The following COP1 variants were observed in gnomAD, a reference collection of about 807,000 sequenced individuals.
The protein encoded by COP1 is E3 ubiquitin-protein ligase COP1.
In COP1, 24 loss-of-function variants were observed where a neutral mutation model predicts 101.3. The ratio of observed to expected loss-of-function variants is 0.24; its 90% CI spans 0.17 to 0.33. The LOEUF is 0.33. Ranked by LOEUF, COP1 falls within the 10% of genes least tolerant of loss-of-function variation. COP1 has a pLI of 1.00. For missense variants in COP1, 663 were observed against 906.2 expected (o/e 0.73, Z 3.45); for synonymous variants, 347 against 341.9 (o/e 1.01, Z -0.17).
At chr1:176,002,399 CATAGTGCAGGTTAGTTACATATGTAT>C (rs1365883270) in intron 15 of COP1, among the ~76,000 whole-genome samples, 1 of 151,870 alleles carries the variant, frequency 6.6e-6, no homozygotes, top group Non-Finnish European at 1.5e-5. Context: ...TACATGTGCA[CATAGTGCAGGTTAGTTACATATGTAT>C]ACATGTGCCA....
chr1:175,972,868 T>G (rs934922763), intron 18 of COP1, among the ~76,000 whole-genome samples: 2 of 152,142 alleles, frequency 1.3e-5, no homozygotes, highest in East Asian at 3.9e-4. Context: ...GTTTCGCTCT[T>G]GTTGCCCAGG....
chr1:176,068,669 T>C (rs1213229724), intron 11 of COP1, among the ~76,000 whole-genome samples: 1 of 152,226 alleles, frequency 6.6e-6, no homozygotes, highest in Non-Finnish European at 1.5e-5. Context: ...CTTGAATGAA[T>C]GAACTTTATT....
chr1:175,993,280 C>G (rs1248953585), intron 15 of COP1, among the ~76,000 whole-genome samples: 1 of 152,094 alleles, frequency 6.6e-6, no homozygotes, highest in East Asian at 1.9e-4. Context: ...TAGATAAAAC[C>G]ACAAAGATGG....
chr1:176,187,836 C>G (rs1698665278), intron 1 of COP1, among the ~76,000 whole-genome samples: 1 of 152,096 alleles, frequency 6.6e-6, no homozygotes, highest in Non-Finnish European at 1.5e-5. Context: ...AGTAATAGGA[C>G]TGGTGCTATG....
Position 176,117,607 on chromosome 1 carries a change from T to C in COP1, c.969-926A>G, listed in dbSNP as rs551657840. The stretch of plus-strand genomic sequence containing the variant: ...TTCTTCTCTATTTCTACTATAAACA[T>C]GCTTAGGCTAGGCACGGTCGCTCAC... On this transcript the variant is annotated intron_variant, in intron 8 of 19. Transcript: ENST00000367669. 3.7e-3 allele frequency among the ~76,000 whole-genome samples: 560 copies of C among 152,288 alleles called. 2 individuals carry two copies. The highest frequency in any genetic ancestry group is 0.013 in the African/African-American group (545 of 41,574).
intron 7 of COP1, 57 bp from the exon 8 acceptor site, chr1:176,135,143 CAA>C: frequency 8.8e-7 from 1 of 1,141,430 alleles, no homozygotes; most frequent in Non-Finnish European, 1.3e-6. Flanking sequence ...ATATATAAAT[CAA>C]AAAGAGGCAT....
intron 15 of COP1, among the ~76,000 whole-genome samples, chr1:176,013,315 T>C (rs1665021718): frequency 6.6e-6 from 1 of 152,068 alleles, no homozygotes; most frequent in Non-Finnish European, 1.5e-5. Context: ...GGTTCAGAAA[T>C]TTACTTAGCT....
At chr1:176,068,167 G>T (rs1018030709) in intron 11 of COP1, among the ~76,000 whole-genome samples, 1 of 152,138 alleles carries the variant, frequency 6.6e-6, no homozygotes, top group South Asian at 2.1e-4. Flanking sequence ...TTTCCCTAAA[G>T]AATTAAAAAT....
chr1:176,098,173 C>T (rs1056185084), intron 9 of COP1, among the ~76,000 whole-genome samples: 3 of 152,058 alleles, frequency 2.0e-5, no homozygotes, highest in South Asian at 2.1e-4. Context: ...TAAAACCTGG[C>T]GACATAAGGA....
At chr1:176,056,642 T>C (rs1410383765) in intron 11 of COP1, among the ~76,000 whole-genome samples, 1 of 152,234 alleles carries the variant, frequency 6.6e-6, no homozygotes, top group Non-Finnish European at 1.5e-5. Context: ...GTGGTTTATG[T>C]TATAATCTAC....
At chr1:176,037,914 C>A (rs1202202519) in intron 14 of COP1, among the ~76,000 whole-genome samples, 1 of 152,080 alleles carries the variant, frequency 6.6e-6, no homozygotes. Context: ...TCCTATTTAC[C>A]ATTATACTGA....
At chr1:176,138,252 T>A (rs144810190) in intron 6 of COP1, among the ~76,000 whole-genome samples, 90 of 152,108 alleles carry the variant, frequency 5.9e-4, no homozygotes, top group African/African-American at 2.0e-3. Context: ...TTAACATCAA[T>A]AAGTATAGTC....
At position 176,031,417 on chromosome 1, in the gene COP1, T is replaced by C. The variant is rs577422267; in HGVS notation, c.1613-3729A>G. Among the ~76,000 whole-genome samples the C allele has an allele frequency of 2.0e-5, 3 of 152,274 alleles. No individual in the cohort carries two copies. The South Asian group carries it at 6.2e-4, about 32-fold the overall frequency. ...GTATACAAATTAATAAGAACACCTT[T>C]ACTGTTACTTTTTCCTTGCAAGGAT... On this transcript the variant is annotated intron_variant, in intron 14 of 19. Transcript: ENST00000367669.
intron 5 of COP1, among the ~76,000 whole-genome samples, chr1:176,149,848 A>G (rs1692142117): frequency 6.6e-6 from 1 of 152,106 alleles, no homozygotes; most frequent in African/African-American, 2.4e-5. Context: ...ATAAAATAAC[A>G]ATAAGAGACA....
Position 175,965,177 on chromosome 1 carries a change from TAGGA to T in COP1, c.2134-17942_2134-17939del, listed in dbSNP as rs1343926465. On this transcript the variant is annotated intron_variant, in intron 18 of 19. Coordinates refer to ENST00000367669, the MANE Select transcript of COP1 (RefSeq NM_022457.7). ...AACTAAAATAGCTTCTCTCCTCATGTAGGAGGTCATGGACTCTGTGTATAGTCAA... is the reference window on the plus strand; with the variant it reads ...AACTAAAATAGCTTCTCTCCTCATGTGGTCATGGACTCTGTGTATAGTCAA... Among the ~76,000 whole-genome samples the T allele has an allele frequency of 3.3e-5, 5 of 152,164 alleles. No homozygotes were observed. In the East Asian group the frequency reaches 9.6e-4, roughly 29 times the overall value.
intron 2 of COP1, among the ~76,000 whole-genome samples, chr1:176,182,986 T>G (rs1424473617): frequency 1.3e-5 from 2 of 152,230 alleles, no homozygotes; most frequent in Non-Finnish European, 2.9e-5. Flanking sequence ...AAGGTGGACA[T>G]TTGTATTTTA....
intron 11 of COP1, among the ~76,000 whole-genome samples, chr1:176,051,874 ATG>A (rs1433589834): frequency 5.9e-5 from 9 of 152,284 alleles, no homozygotes; most frequent in African/African-American, 2.2e-4. Flanking sequence ...TAGTTGTTCA[ATG>A]TGTGTTTTTA....
intron 11 of COP1, among the ~76,000 whole-genome samples, chr1:176,073,756 G>A (rs1677435252): frequency 6.6e-6 from 1 of 152,152 alleles, no homozygotes. Flanking sequence ...GAAGGGTATG[G>A]TCTTAACTCC....
intron 11 of COP1, among the ~76,000 whole-genome samples, chr1:176,070,334 C>CTTT (rs558421046): frequency 2.5e-4 from 34 of 138,682 alleles, no homozygotes; most frequent in African/African-American, 8.2e-4. Flanking sequence ...CTTGTGCTGC[C>CTTT]TTTTTTTTTT....
Sources: allele counts gnomAD v4.1 joint callset (sites outside exome capture counted in the v4.1 genomes callset), GRCh38; gene constraint gnomAD v4.1.1; transcripts MANE v1.5; gene names NCBI Gene and HGNC (gene_info 2026-07-23, HGNC 2026-07-21).